Variants in KMT2E observed in about 807,000 individuals in gnomAD.
KMT2E encodes histone reader KMT2E.
KMT2E carries 30 observed loss-of-function variants against 184.6 expected under a neutral mutation model. The ratio of observed to expected loss-of-function variants is 0.16; its 90% CI spans 0.12 to 0.22. KMT2E has a LOEUF of 0.22. KMT2E is among the 10% of genes least tolerant of loss of function. KMT2E has a pLI of 1.00. For missense variants in KMT2E, 2,023 were observed against 2,237.4 expected (o/e 0.90, Z 1.93); for synonymous variants, 815 against 776.5 (o/e 1.05, Z -0.82).
rs750062349 is a variant in KMT2E at position 105,114,541 on chromosome 7, T to C, written c.*1208T>C. ...ATGCTAGTTAGTTATTAATTATTAA[T>C]CTTCAAAAAATTAAAAATTTCCCAG... On this transcript the variant is annotated 3_prime_UTR_variant, in exon 27 of 27. Coordinates refer to ENST00000311117, the MANE Select transcript of KMT2E (RefSeq NM_182931.3). 6.6e-6 allele frequency among the ~76,000 whole-genome samples: 1 copy of C among 152,230 alleles called. No homozygotes were observed. Among genetic ancestry groups the C allele is most frequent in the Non-Finnish European group, 1.5e-5 (1 of 68,040 alleles).
chr7:105,109,262 A>C (rs1799067179), intron 23 of KMT2E, 34 bp downstream of exon 23: 1 of 1,593,522 alleles, frequency 6.3e-7, no homozygotes, highest in Non-Finnish European at 8.6e-7. Flanking sequence ...ACTCTGGAAA[A>C]AACAAGCTTT....
At position 105,113,150 on chromosome 7, in the gene KMT2E, A is replaced by G. The variant is rs376480805; in HGVS notation, c.5394A>G (p.Gln1798=). 1.4e-5 allele frequency: 22 copies of G among 1,614,056 alleles called. No homozygotes were observed. The African/African-American group carries it at 1.6e-4, about 12-fold the overall frequency. The part of the protein sequence containing the change: ...LPVTGPHLQP[Q]GPNSIPTPTA... ...TCACAGGTCCTCATCTCCAGCCCCA[A>G]GGACCAAACAGTATTCCAACACCTA... The change falls in exon 27 of 27, where the codon CAA becomes CAG. Residue 1798 remains glutamine (Q), a synonymous_variant. Transcript: ENST00000311117.
intron 3 of KMT2E, among the ~76,000 whole-genome samples, chr7:105,048,502 G>T (rs1324114309): frequency 2.6e-5 from 4 of 152,030 alleles, no homozygotes; most frequent in African/African-American, 9.7e-5. Flanking sequence ...TTTAATACTA[G>T]ATTTTATAGC....
intron 15 of KMT2E, among the ~76,000 whole-genome samples, chr7:105,095,723 GAAAATCTT>G (rs1440790740): frequency 6.6e-6 from 1 of 152,116 alleles, no homozygotes; most frequent in East Asian, 1.9e-4. Flanking sequence ...TGTACGTTAG[GAAAATCTT>G]ACCATAAGCC....
intron 22 of KMT2E, 196 bp from the exon 23 acceptor site, chr7:105,108,746 A>G: frequency 1.8e-6 from 1 of 562,896 alleles, no homozygotes; most frequent in South Asian, 2.1e-5. Flanking sequence ...AAATGAGATA[A>G]TGTATGTAAA....
intron 5 of KMT2E, 99 bp from the exon 6 acceptor site, chr7:105,066,628 A>G (rs932585495): frequency 4.4e-6 from 4 of 909,770 alleles, no homozygotes; most frequent in Non-Finnish European, 6.9e-6. Context: ...ACTAAGCTCA[A>G]AGTAGGTGCT....
chr7:105,070,106 A>C (rs893698560), intron 6 of KMT2E, among the ~76,000 whole-genome samples: 2 of 151,964 alleles, frequency 1.3e-5, no homozygotes, highest in Admixed American at 1.3e-4. Flanking sequence ...GGTTGTTTCT[A>C]CTTTTTTGGC....
intron 12 of KMT2E, among the ~76,000 whole-genome samples, chr7:105,079,349 T>A (rs1797661881): frequency 6.6e-6 from 1 of 151,756 alleles, no homozygotes; most frequent in Non-Finnish European, 1.5e-5. Context: ...TTGACCAGGC[T>A]GGTCTCGAAC....
intron 3 of KMT2E, among the ~76,000 whole-genome samples, chr7:105,050,879 A>C (rs1796309603): frequency 6.6e-6 from 1 of 151,668 alleles, no homozygotes; most frequent in Non-Finnish European, 1.5e-5. Flanking sequence ...ACAGGTGGCC[A>C]CCAAGCCTGG....
chr7:105,032,566 A>G (rs1795470248), intron 1 of KMT2E, among the ~76,000 whole-genome samples: 1 of 152,242 alleles, frequency 6.6e-6, no homozygotes, highest in Non-Finnish European at 1.5e-5. Flanking sequence ...CACTGGTGCT[A>G]TCATGGTTCA....
In KMT2E at chr7:105,112,799, A is replaced by ACCCCCC; in HGVS notation, c.5048_5049insCCCCCC (p.Pro1683_Pro1684dup). ...CTGGACACCACTTACCCCCACCCCC[A>ACCCCCC]CCCCCTCCTGGTCCTGCCCCTCATC... On this transcript the variant is annotated inframe_insertion, in exon 27 of 27. Transcript: ENST00000311117. 2.0e-6 allele frequency: 1 copy of ACCCCCC among 507,442 alleles called. No homozygotes were observed. The highest frequency in any genetic ancestry group is 3.0e-6 in the Non-Finnish European group (1 of 336,536). The allele number at this position is 507,442 out of a possible 1,614,324, so 31.4% of individuals were successfully genotyped here.
chr7:105,073,726 A>G (rs201519374), intron 7 of KMT2E, 49 bp downstream of exon 7: 31 of 1,102,532 alleles, frequency 2.8e-5, no homozygotes, highest in African/African-American at 4.7e-5. Context: ...GATTGAGAGA[A>G]TAAACGGTTC....
chr7:105,104,653 C>T (rs757320685), intron 17 of KMT2E: 5 of 152,400 alleles, frequency 3.3e-5, no homozygotes, highest in Non-Finnish European at 7.3e-5. Flanking sequence ...CATGATCACG[C>T]CACTGCACTC....
At chr7:105,085,546 AAAAAT>A (rs1294571026) in intron 13 of KMT2E, among the ~76,000 whole-genome samples, 15 of 135,530 alleles carry the variant, frequency 1.1e-4, no homozygotes, top group South Asian at 2.2e-4. Flanking sequence ...AAAACATCTC[AAAAAT>A]AAAATAAAAT....
intron 1 of KMT2E, among the ~76,000 whole-genome samples, chr7:105,025,503 G>C (rs1390346415): frequency 6.6e-6 from 1 of 151,992 alleles, no homozygotes; most frequent in African/African-American, 2.4e-5. Flanking sequence ...GTTTTATGTA[G>C]GTACTATAGA....
intron 14 of KMT2E, 75 bp from the exon 15 acceptor site, chr7:105,091,141 A>G (rs1306316734): frequency 5.9e-6 from 4 of 674,110 alleles, no homozygotes; most frequent in Non-Finnish European, 1.0e-5. Flanking sequence ...GTTGAAAGAC[A>G]TTAAAATAGT....
rs765920013 is a variant in KMT2E at position 105,105,991 on chromosome 7, T to G, written c.2584T>G (p.Cys862Gly). ...NKSPLLLNDS[C>G]SLPDLTTPLK... ...AAGTCCACTACTATTAAATGACAGC[T>G]GTTCCCTTCCAGGTAGAATTTTTTT... Residue 862 changes from cysteine to glycine, a missense_variant, in exon 19 of 27, where the codon TGT becomes GGT. Cys to Gly is a radical substitution (Grantham distance 159, BLOSUM62 -3). Transcript: ENST00000311117. 6.2e-7 allele frequency: 1 copy of G among 1,605,432 alleles called. No individual in the cohort carries two copies. Among genetic ancestry groups the G allele is most frequent in the Non-Finnish European group, 8.5e-7 (1 of 1,177,896 alleles).
intron 12 of KMT2E, among the ~76,000 whole-genome samples, chr7:105,081,144 G>A (rs1010093432): frequency 6.6e-6 from 1 of 152,126 alleles, no homozygotes; most frequent in Non-Finnish European, 1.5e-5. Context: ...CACTTGGGGA[G>A]GCCGAGGCCG....
chr7:105,073,714 G>A (rs1387025641), intron 7 of KMT2E, 37 bp downstream of exon 7: 1 of 1,241,378 alleles, frequency 8.1e-7, no homozygotes, highest in Non-Finnish European at 1.2e-6. Flanking sequence ...TAAAATTCGT[G>A]TGATTGAGAG....
Sources: gnomAD v4.1 joint callset for allele counts (sites outside exome capture counted in the v4.1 genomes callset) on GRCh38, gnomAD v4.1.1 for gene constraint, MANE v1.5 for transcripts, NCBI Gene and HGNC (gene_info 2026-07-23, HGNC 2026-07-21) for gene names.